The following CAPN10 variants were observed in gnomAD, a reference collection of about 807,000 sequenced individuals.
The protein encoded by CAPN10 is calpain-10.
In CAPN10, 71 loss-of-function variants were observed where a neutral mutation model predicts 78.4. That is an observed-to-expected ratio of 0.91 (90% CI 0.75 to 1.10). CAPN10 has a LOEUF of 1.10. Ranked by LOEUF, CAPN10 falls within the 50% of genes least tolerant of loss-of-function variation. The pLI, the probability that CAPN10 is intolerant of heterozygous loss-of-function variation, is 0.00. For missense variants in CAPN10, 849 were observed against 924.6 expected (o/e 0.92, Z 1.06); for synonymous variants, 437 against 407.2 (o/e 1.07, Z -0.88).
In CAPN10 at chr2:240,592,130, G is replaced by T; in HGVS notation, c.668G>T (p.Cys223Phe). The stretch of plus-strand genomic sequence containing the variant: ...AAGGACCAGTGTCTGATCAGCTGCT[G>T]CGTGCTCAGCCCCAGAGCAGGTGAG... ...HLKDQCLISC[C>F]VLSPRAGARE... The change falls in exon 4 of 12, where the codon TGC becomes TTC. Residue 223 changes from cysteine to phenylalanine, a missense_variant. Physicochemically the swap from Cys to Phe is radical, Grantham distance 205. Transcript: ENST00000391984. The T allele has an allele frequency of 6.4e-7, 1 of 1,570,298 alleles. No individual in the cohort carries two copies. Among genetic ancestry groups the T allele is most frequent in the Non-Finnish European group, 8.6e-7 (1 of 1,158,244 alleles).
intron 11 of CAPN10, 109 bp downstream of exon 11, chr2:240,598,506 C>T: frequency 2.0e-6 from 3 of 1,466,796 alleles, no homozygotes; most frequent in Non-Finnish European, 2.8e-6. Flanking sequence ...GTGAGGTGCC[C>T]TTGACTCTTC....
At position 240,596,846 on chromosome 2, in the gene CAPN10, C is replaced by G; in HGVS notation, c.1647C>G (p.Pro549=). ...PTNPCFPFSV[P]EGPGPRCVRI... ...ACCCCTGCTTCCCCTTCTCGGTCCC[C>G]GAGGGCCCTGGCCCCCGCTGCGTCC... The change falls in exon 9 of 12, where the codon CCC becomes CCG. Residue 549 remains proline, a synonymous_variant. Transcript: ENST00000391984. 1 of 1,613,576 alleles carries G rather than the reference C, an allele frequency of 6.2e-7. No homozygotes were observed. Among genetic ancestry groups the G allele is most frequent in the Non-Finnish European group, 8.5e-7 (1 of 1,180,010 alleles).
intron 4 of CAPN10, 66 bp from the exon 5 acceptor site, chr2:240,593,840 G>A (rs2093118287): frequency 6.6e-7 from 1 of 1,517,128 alleles, no homozygotes; most frequent in Admixed American, 1.9e-5. Flanking sequence ...AGAGGCCTGT[G>A]TGTCCTTGTC....
chr2:240,589,647 C>A, intron 2 of CAPN10, 173 bp downstream of exon 2: 2 of 834,016 alleles, frequency 2.4e-6, no homozygotes, highest in South Asian at 1.8e-5. Context: ...TGCACTCTGT[C>A]CCTCTGCTGC....
Position 240,591,926 on chromosome 2 carries a change from C to A in CAPN10, c.471-7C>A, listed in dbSNP as rs752707841. 11 of 1,610,844 alleles carry A rather than the reference C, an allele frequency of 6.8e-6. No individual in the cohort carries two copies. Among genetic ancestry groups the A allele is most frequent in the African/African-American group, 1.3e-5 (1 of 74,922 alleles). The stretch of plus-strand genomic sequence containing the variant: ...AGGCTCACTCCCATGGTGATTGTGT[C>A]CCCTAGGGTCCATGGGTCCTACGAG... On this transcript the variant is annotated splice_polypyrimidine_tract_variant and splice_region_variant and intron_variant, in intron 3 of 11. Transcript: ENST00000391984.
intron 3 of CAPN10, 26 bp from the exon 4 acceptor site, chr2:240,591,907 A>C (rs529342644): frequency 6.3e-7 from 1 of 1,592,666 alleles, no homozygotes; most frequent in Non-Finnish European, 8.6e-7. Context: ...CCAGAGGCTC[A>C]CTCCCATGGT....
At position 240,598,923 on chromosome 2, in the gene CAPN10, T is replaced by C. The variant is rs1022134295; in HGVS notation, c.*243T>C. 8.7e-6 allele frequency: 5 copies of C among 575,244 alleles called. No homozygotes were observed. The Admixed American group carries it at 9.0e-5, about 10-fold the overall frequency. The allele number at this position is 575,244 out of a possible 1,614,324, so 35.6% of individuals were successfully genotyped here. A position where few individuals can be genotyped will look rare whatever the true frequency, so the allele number is the denominator to read the frequency against. On this transcript the variant is annotated 3_prime_UTR_variant, in exon 12 of 12. Transcript: ENST00000391984. ...AGCTTGCTGGCTTCTGTTGCGCCACTGAGACGGCAGAGACCCCAGGATCCC... is the reference window on the plus strand; with the variant it reads ...AGCTTGCTGGCTTCTGTTGCGCCACCGAGACGGCAGAGACCCCAGGATCCC...
At position 240,598,633 on chromosome 2, in the gene CAPN10, C is replaced by G. The variant is rs752153356; in HGVS notation, c.1990-18C>G. The G allele has an allele frequency of 2.4e-5, 37 of 1,573,048 alleles. No homozygotes were observed. The South Asian group carries it at 4.2e-4, about 18-fold the overall frequency. On this transcript the variant is annotated intron_variant, in intron 11 of 11. Coordinates refer to ENST00000391984, the MANE Select transcript of CAPN10 (RefSeq NM_023083.4). Reference sequence around the variant, plus strand: ...GGCGAGTGCCACCGCTGCCCGGGCCCCCCATCTGTCTTTGCAGGTCTCCAT... The same window carrying G: ...GGCGAGTGCCACCGCTGCCCGGGCCGCCCATCTGTCTTTGCAGGTCTCCAT...
At position 240,587,057 on chromosome 2, in the gene CAPN10, G is replaced by C; in HGVS notation, c.141+5G>C. 2.1e-6 allele frequency: 3 copies of C among 1,398,380 alleles called. No homozygotes were observed. The highest frequency in any genetic ancestry group is 2.8e-6 in the Non-Finnish European group (3 of 1,071,798). The allele number at this position is 1,398,380 out of a possible 1,614,324, so 86.6% of individuals were successfully genotyped here. A position where few individuals can be genotyped will look rare whatever the true frequency, so the allele number is the denominator to read the frequency against. The stretch of plus-strand genomic sequence containing the variant: ...ATCACGTGGAGGCGGCCCCAGGTGG[G>C]GCCGTGTGGGGTGCGGTGGGCGCCG... On this transcript the variant is annotated splice_donor_5th_base_variant and intron_variant, in intron 1 of 11. Transcript: ENST00000391984.
At chr2:240,596,153 G>C in intron 7 of CAPN10, 166 bp from the exon 8 acceptor site, 1 of 1,499,410 alleles carries the variant, frequency 6.7e-7, no homozygotes, top group South Asian at 1.3e-5. Flanking sequence ...CCCGGGATTG[G>C]TGGGCATCTC....
chr2:240,597,294 CA>C (rs1300535860), intron 9 of CAPN10, among the ~76,000 whole-genome samples: 2 of 152,188 alleles, frequency 1.3e-5, no homozygotes, highest in Admixed American at 1.3e-4. Context: ...CTTGGGAACG[CA>C]GGGGGCTGAT....
chr2:240,596,603 G>C (rs1234107382), intron 8 of CAPN10, 78 bp from the exon 9 acceptor site: 2 of 1,535,750 alleles, frequency 1.3e-6, no homozygotes, highest in African/African-American at 1.4e-5. Context: ...TCCCTCTGTG[G>C]TTGGCAGGTG....
At chr2:240,593,483 A>G (rs2093116171) in intron 4 of CAPN10, among the ~76,000 whole-genome samples, 1 of 152,252 alleles carries the variant, frequency 6.6e-6, no homozygotes. Context: ...GCTTCTAGCC[A>G]GGGCACTATC....
chr2:240,591,859 A>T, intron 3 of CAPN10, 74 bp from the exon 4 acceptor site: 1 of 1,382,850 alleles, frequency 7.2e-7, no homozygotes, highest in Non-Finnish European at 1.0e-6. Flanking sequence ...TTGGGGTGCT[A>T]CAGACCATGG....
chr2:240,596,894 C>A lies in CAPN10; in HGVS notation c.1695C>A (p.Cys565Ter), dbSNP rs147491275. ...RCVRITLHQHCRPSDTEFHPI... is the reference protein window; with the variant it reads ...RCVRITLHQH ...TCCGCATCACTCTGCATCAGCACTG[C>A]CGGCCCAGTGACACCGAGTTCCACC... is the stretch of plus-strand genomic sequence containing the variant. Residue 565 changes from cysteine to a stop codon, truncating the protein, a stop_gained, in exon 9 of 12, where the codon TGC (cysteine) becomes TGA (stop). Coordinates refer to ENST00000391984, the MANE Select transcript of CAPN10 (RefSeq NM_023083.4). LOFTEE classifies it high-confidence loss of function. 4 of 1,613,574 alleles carry A rather than the reference C, an allele frequency of 2.5e-6. No individual in the cohort carries two copies. In the South Asian group the frequency reaches 4.4e-5, roughly 18 times the overall value.
rs757301434 is a variant in CAPN10, at chr2:240,594,547, G to A, written c.835G>A (p.Glu279Lys). 9.3e-6 allele frequency: 15 copies of A among 1,612,822 alleles called. No individual in the cohort carries two copies. In the Admixed American group the frequency reaches 2.3e-4, roughly 25 times the overall value. Residue 279 changes from glutamate to lysine, a missense_variant, in exon 6 of 12, where the codon GAA becomes AAA. By Grantham distance (56) the Glu-to-Lys change is moderately conservative (BLOSUM62 1). Coordinates refer to ENST00000391984, the MANE Select transcript of CAPN10 (RefSeq NM_023083.4). Reference sequence around the variant, plus strand: ...CTGAGATGAGGTTTCTTCCAGGGGTGAAGGGTGGAGCCAGGTAGATGCAGC... The same window carrying A: ...CTGAGATGAGGTTTCTTCCAGGGGTAAAGGGTGGAGCCAGGTAGATGCAGC... Reference protein sequence around the residue: ...CWQGLWREGGEGWSQVDAAVA... With the variant: ...CWQGLWREGGKGWSQVDAAVA...
chr2:240,592,362 C>T, intron 4 of CAPN10: 5 of 686,332 alleles, frequency 7.3e-6, no homozygotes, highest in Non-Finnish European at 1.4e-5. Context: ...CTCCCCTGAC[C>T]AGTCCTTTCC....
chr2:240,597,069 C>A, intron 9 of CAPN10, 127 bp downstream of exon 9: 3 of 1,197,410 alleles, frequency 2.5e-6, no homozygotes, highest in East Asian at 2.5e-5. Flanking sequence ...CCCTTCGAGG[C>A]GCTGCCTAGA....
chr2:240,589,008 C>T (rs1348208708), intron 1 of CAPN10, among the ~76,000 whole-genome samples: 5 of 141,966 alleles, frequency 3.5e-5, no homozygotes, highest in African/African-American at 7.9e-5. Flanking sequence ...AACAGATTTC[C>T]AGCAGGATGG....
Sources: allele counts gnomAD v4.1 joint callset (sites outside exome capture counted in the v4.1 genomes callset), GRCh38; gene constraint gnomAD v4.1.1; transcripts MANE v1.5; gene names NCBI Gene and HGNC (gene_info 2026-07-23, HGNC 2026-07-21).